EZR: variants seen among roughly 807,000 people sequenced by gnomAD.
EZR encodes the protein ezrin.
A neutral mutation model predicts 74.8 loss-of-function variants in EZR; 40 were observed. That is an observed-to-expected ratio of 0.53 (90% CI 0.42 to 0.70). EZR has a LOEUF of 0.70. EZR is among the 30% of genes least tolerant of loss of function. The pLI is 0.00. For missense variants in EZR, 678 were observed against 755.8 expected (o/e 0.90, Z 1.21); for synonymous variants, 341 against 283.3 (o/e 1.20, Z -2.05).
chr6:158,785,541 T>C lies in EZR; in HGVS notation c.235A>G (p.Lys79Glu), dbSNP rs1361683754. The part of the protein sequence containing the change: ...EVRKENPLQF[K>E]FRAKFYPEDV... ...TCAGGGTAGAACTTGGCCCGGAACT[T>C]GAACTGGAGGGGATTCTCCTTCCTG... Residue 79 changes from lysine (K) to glutamate (E), a missense_variant, in exon 5 of 14, where the codon AAG becomes GAG. Coordinates refer to ENST00000367075, the MANE Select transcript of EZR (RefSeq NM_001111077.2). 2 of 1,614,134 alleles carry C rather than the reference T, an allele frequency of 1.2e-6. No homozygotes were observed. The highest frequency in any genetic ancestry group is 2.2e-5 in the South Asian group (2 of 91,076).
intron 2 of EZR, among the ~76,000 whole-genome samples, chr6:158,812,291 G>A (rs2128577132): frequency 6.6e-6 from 1 of 152,276 alleles, no homozygotes; most frequent in East Asian, 1.9e-4. Context: ...CCAAATGGGT[G>A]CTCTGAAATC....
intron 11 of EZR, 137 bp downstream of exon 11, chr6:158,769,647 C>T (rs1362216126): frequency 2.5e-5 from 33 of 1,323,524 alleles, no homozygotes; most frequent in Non-Finnish European, 3.4e-5. Flanking sequence ...CCCTTCCCCA[C>T]CAGCTGCCTT....
chr6:158,788,560 T>C (rs1268794754), intron 3 of EZR: 2 of 151,876 alleles, frequency 1.3e-5, no homozygotes, highest in African/African-American at 4.8e-5. Flanking sequence ...TGCAGGAGAA[T>C]TGCTTGAACC....
At chr6:158,783,834 C>T (rs754591007) in intron 6 of EZR, among the ~76,000 whole-genome samples, 168 bp from the exon 7 acceptor site, 48 of 152,314 alleles carry the variant, frequency 3.2e-4, no homozygotes, top group Non-Finnish European at 6.6e-4. Context: ...GAGGAGGGGA[C>T]CCATACAGCC....
chr6:158,769,743 C>T (rs1791037046), intron 11 of EZR, 41 bp downstream of exon 11: 1 of 1,607,530 alleles, frequency 6.2e-7, no homozygotes, highest in East Asian at 2.2e-5. Context: ...CAGAAGCAGC[C>T]TCTCTATAAT....
At chr6:158,770,492 T>C (rs182734459) in intron 10 of EZR, among the ~76,000 whole-genome samples, 2 of 152,334 alleles carry the variant, frequency 1.3e-5, no homozygotes, top group Admixed American at 1.3e-4. Flanking sequence ...CAAACCTTAC[T>C]GTCCTCATCG....
At chr6:158,797,898 G>C (rs1777106354) in intron 2 of EZR, among the ~76,000 whole-genome samples, 1 of 152,162 alleles carries the variant, frequency 6.6e-6, no homozygotes, top group African/African-American at 2.4e-5. Context: ...TATATTCAGA[G>C]TTATGCAACT....
At chr6:158,817,925 G>A (rs970391181) in intron 2 of EZR, 157 bp downstream of exon 2, 13 of 568,546 alleles carry the variant, frequency 2.3e-5, no homozygotes, top group Non-Finnish European at 3.8e-5. Context: ...GGGTCAACAA[G>A]TAACAAAGAG....
chr6:158,779,439 T>C lies in EZR; in HGVS notation c.699-2935A>G, dbSNP rs182068261. ...GGGAATGAGGTCTAGAGACTGCTAA[T>C]GTTAATTTTCTTATCTTGGTATTTG... On this transcript the variant is annotated intron_variant, in intron 7 of 13. Transcript: ENST00000367075. 8.2e-4 allele frequency among the ~76,000 whole-genome samples: 125 copies of C among 152,302 alleles called. 1 individual carries two copies. The highest frequency in any genetic ancestry group is 2.9e-3 in the African/African-American group (119 of 41,568).
chr6:158,768,537 G>A (rs1000949140), intron 12 of EZR, among the ~76,000 whole-genome samples: 4 of 152,098 alleles, frequency 2.6e-5, no homozygotes, highest in African/African-American at 4.8e-5. Flanking sequence ...GTGGGGGAAG[G>A]ACGGGCCAGC....
chr6:158,801,841 T>A (rs1171843806), intron 2 of EZR, among the ~76,000 whole-genome samples: 7 of 152,192 alleles, frequency 4.6e-5, no homozygotes, highest in Non-Finnish European at 1.0e-4. Flanking sequence ...CGCACAAAAG[T>A]CACTGGCCAG....
At chr6:158,803,355 T>C (rs548915681) in intron 2 of EZR, among the ~76,000 whole-genome samples, 93 of 151,408 alleles carry the variant, frequency 6.1e-4, no homozygotes, top group African/African-American at 2.2e-3. Flanking sequence ...GACCTTTTTT[T>C]AATGGTTACA....
intron 2 of EZR, among the ~76,000 whole-genome samples, chr6:158,795,421 TAAA>T (rs35321394): frequency 6.7e-6 from 1 of 149,252 alleles, no homozygotes; most frequent in Non-Finnish European, 1.5e-5. Context: ...TTTAAAAACG[TAAA>T]AAAAAAAATT....
intron 2 of EZR, among the ~76,000 whole-genome samples, chr6:158,813,926 TC>T (rs1777498802): frequency 6.6e-6 from 1 of 152,170 alleles, no homozygotes; most frequent in South Asian, 2.1e-4. Flanking sequence ...ACAGCAGTGT[TC>T]CTTGCTCACT....
At chr6:158,803,582 C>CATATAT (rs60495898) in intron 2 of EZR, among the ~76,000 whole-genome samples, 7 of 43,652 alleles carry the variant, frequency 1.6e-4, no homozygotes, top group Non-Finnish European at 3.5e-4. Flanking sequence ...TATATATATA[C>CATATAT]ATATATATAT....
Position 158,771,426 on chromosome 6 carries a change from C to T in EZR, c.796-19G>A, listed in dbSNP as rs1226047142. On this transcript the variant is annotated intron_variant, in intron 8 of 13. Coordinates refer to ENST00000367075, the MANE Select transcript of EZR (RefSeq NM_001111077.2). ...CAAAGTCCTACAAAACAGAACAGGG[C>T]CACCTGGACTCAAGCTCCTTCGTTT... 2 of 1,565,480 alleles carry T rather than the reference C, an allele frequency of 1.3e-6. No homozygotes were observed. Among genetic ancestry groups the T allele is most frequent in the East Asian group, 4.5e-5 (2 of 44,160 alleles).
intron 2 of EZR, among the ~76,000 whole-genome samples, chr6:158,791,426 G>A (rs963792234): frequency 9.9e-5 from 15 of 151,900 alleles, no homozygotes; most frequent in Non-Finnish European, 1.5e-4. Flanking sequence ...TGGTTCCAAG[G>A]GCATGTATTA....
intron 7 of EZR, among the ~76,000 whole-genome samples, chr6:158,781,723 G>T (rs1374966836): frequency 7.0e-6 from 1 of 142,960 alleles, no homozygotes; most frequent in Admixed American, 6.9e-5. Flanking sequence ...AGGGTCTCCC[G>T]GAAAGATGGT....
At chr6:158,770,656 G>T (rs2128565868) in intron 10 of EZR, 108 bp downstream of exon 10, 2 of 1,292,730 alleles carry the variant, frequency 1.5e-6, no homozygotes, top group Non-Finnish European at 2.2e-6. Context: ...CTGCGCTGTG[G>T]GACACGTTCT....
Sources: allele counts gnomAD v4.1 joint callset (sites outside exome capture counted in the v4.1 genomes callset), GRCh38; gene constraint gnomAD v4.1.1; transcripts MANE v1.5; gene names NCBI Gene and HGNC (gene_info 2026-07-23, HGNC 2026-07-21).